SLCO3A1: variants seen among roughly 807,000 people sequenced by gnomAD.
SLCO3A1 encodes the protein PGE1 transporter.
Under a neutral mutation model 63.1 loss-of-function variants are expected in SLCO3A1, and 27 were observed. That is an observed-to-expected ratio of 0.43 (90% CI 0.32 to 0.59). SLCO3A1 has a LOEUF of 0.59. Among genes scored for constraint, SLCO3A1 ranks in the 20% least tolerant of loss-of-function variants. The probability of loss-of-function intolerance (pLI) is 0.09; values close to 1 mark genes in which losing one functional copy is unlikely to be tolerated. For synonymous variants in SLCO3A1, 473 were observed against 409.9 expected (o/e 1.15, Z -1.86); for missense variants, 773 against 945.8 (o/e 0.82, Z 2.40).
intron 2 of SLCO3A1, among the ~76,000 whole-genome samples, chr15:91,930,618 TATTA>T (rs1404773092): frequency 1.3e-5 from 2 of 152,242 alleles, no homozygotes; most frequent in Non-Finnish European, 2.9e-5. Context: ...ATTCAACACA[TATTA>T]ATTGATAACT....
chr15:91,923,781 T>TA (rs1350319079), intron 2 of SLCO3A1, among the ~76,000 whole-genome samples: 1 of 152,262 alleles, frequency 6.6e-6, no homozygotes, highest in East Asian at 1.9e-4. Context: ...TTTGCTTAGT[T>TA]AAAAACCATA....
intron 1 of SLCO3A1, among the ~76,000 whole-genome samples, chr15:91,899,232 GGAGA>G (rs1450871067): frequency 2.0e-5 from 3 of 152,166 alleles, no homozygotes; most frequent in East Asian, 1.9e-4. Flanking sequence ...TGTAGAACAG[GGAGA>G]GAGAGTGACT....
intron 1 of SLCO3A1, among the ~76,000 whole-genome samples, chr15:91,904,954 T>C (rs560784069): frequency 6.6e-6 from 1 of 152,334 alleles, no homozygotes; most frequent in South Asian, 2.1e-4. Flanking sequence ...TACAATGATT[T>C]TGTACCCTGA....
downstream of SLCO3A1, among the ~76,000 whole-genome samples, chr15:92,168,966 C>G (rs1216209924): frequency 6.6e-6 from 1 of 152,048 alleles, no homozygotes; most frequent in Non-Finnish European, 1.5e-5. Flanking sequence ...TTCCAGATAC[C>G]AAAGAGTATT....
intron 2 of SLCO3A1, among the ~76,000 whole-genome samples, chr15:91,994,487 A>G (rs1331715400): frequency 6.6e-6 from 1 of 152,228 alleles, no homozygotes; most frequent in Admixed American, 6.5e-5. Flanking sequence ...TGAACTAAGC[A>G]GCCTGGCCAG....
chr15:91,931,577 T>C (rs1038465133), intron 2 of SLCO3A1, among the ~76,000 whole-genome samples: 1 of 151,856 alleles, frequency 6.6e-6, no homozygotes, highest in Admixed American at 6.6e-5. Context: ...TTCAAGCAGT[T>C]CCCCTGTCTC....
chr15:92,150,295 C>A (rs1180973712), intron 8 of SLCO3A1, among the ~76,000 whole-genome samples: 1 of 152,198 alleles, frequency 6.6e-6, no homozygotes, highest in Admixed American at 6.5e-5. Context: ...CAGATTGAGG[C>A]TGGGTCTGCC....
intron 3 of SLCO3A1, among the ~76,000 whole-genome samples, chr15:92,101,755 G>A (rs973149832): frequency 3.9e-5 from 6 of 152,162 alleles, no homozygotes; most frequent in Admixed American, 3.3e-4. Context: ...GAGTGTCTTG[G>A]ATCTACAGAA....
At chr15:92,150,773 T>G (rs371477363) in intron 8 of SLCO3A1, among the ~76,000 whole-genome samples, 177 bp from the exon 9 acceptor site, 3 of 152,074 alleles carry the variant, frequency 2.0e-5, no homozygotes, top group East Asian at 3.9e-4. Context: ...TGCAGTTATT[T>G]TTCAGACTTT....
At position 92,016,251 on chromosome 15, in the gene SLCO3A1, A is replaced by T. The variant is rs144843844; in HGVS notation, c.647-78630A>T. 1.0e-2 allele frequency among the ~76,000 whole-genome samples: 521 copies of T among 52,198 alleles called. 9 individuals carry two copies. The highest frequency in any genetic ancestry group is 0.061 in the African/African-American group (486 of 8,014). 34.2% of individuals were successfully genotyped at this position (52,198 alleles called of 152,430 possible). A position where few individuals can be genotyped will look rare whatever the true frequency, so the allele number is the denominator to read the frequency against. The stretch of plus-strand genomic sequence containing the variant: ...TAGATAGATAGATAGATAGATAGAT[A>T]GATTAGATAGATAGATAGATAGATA... On this transcript the variant is annotated intron_variant, in intron 2 of 9. Transcript: ENST00000318445.
Position 91,875,073 on chromosome 15 carries a change from C to T in SLCO3A1, c.180+20985C>T, listed in dbSNP as rs1475281097. Among the ~76,000 whole-genome samples, 2 of 152,160 alleles carry T rather than the reference C, an allele frequency of 1.3e-5. No individual in the cohort carries two copies. The highest frequency in any genetic ancestry group is 1.3e-4 in the Admixed American group (2 of 15,284). ...CTCCACATGAAACAGACATTTGCCG[C>T]CTTGAAGTTGGCAGACAGTCTGTGT... On this transcript the variant is annotated intron_variant, in intron 1 of 9. Transcript: ENST00000318445. The surrounding 1 kb of genome is among the most constrained non-coding windows in gnomAD (Gnocchi z 4.5).
intron 2 of SLCO3A1, among the ~76,000 whole-genome samples, chr15:92,012,082 GGAGCCCTGCA>G (rs1567065686): frequency 6.6e-6 from 1 of 152,216 alleles, no homozygotes; most frequent in African/African-American, 2.4e-5. Flanking sequence ...GACAGAAGGC[GGAGCCCTGCA>G]GAGCCTCGGG....
chr15:91,880,370 G>A (rs12442913), intron 1 of SLCO3A1, among the ~76,000 whole-genome samples: 37,258 of 121,062 alleles, frequency 0.31, 5,303 homozygotes, highest in Middle Eastern at 0.36. Context: ...CAGTTTTACC[G>A]GCACTCGTGC....
intron 2 of SLCO3A1, among the ~76,000 whole-genome samples, chr15:92,068,855 GCT>G (rs2047181896): frequency 6.6e-6 from 1 of 152,186 alleles, no homozygotes; most frequent in Non-Finnish European, 1.5e-5. Flanking sequence ...GTCACTCACA[GCT>G]GTGTGACACT....
chr15:92,018,354 G>T (rs2046464770), intron 2 of SLCO3A1, among the ~76,000 whole-genome samples: 1 of 152,162 alleles, frequency 6.6e-6, no homozygotes, highest in South Asian at 2.1e-4. Context: ...CCCTGGTGAT[G>T]GTTCAGAGCA....
intron 1 of SLCO3A1, among the ~76,000 whole-genome samples, chr15:91,871,442 T>TC (rs1343198427): frequency 6.6e-6 from 1 of 152,190 alleles, no homozygotes; most frequent in Non-Finnish European, 1.5e-5. Flanking sequence ...CACGTTGGAC[T>TC]CCCAGAGTCT....
chr15:92,011,910 G>A (rs12593834), intron 2 of SLCO3A1, among the ~76,000 whole-genome samples: 14,662 of 152,328 alleles, frequency 0.096, 1,068 homozygotes, highest in East Asian at 0.42. Flanking sequence ...TGTGTTATTT[G>A]GAATGGCTCA....
chr15:92,038,917 T>C (rs2046761001), intron 2 of SLCO3A1, among the ~76,000 whole-genome samples: 1 of 152,048 alleles, frequency 6.6e-6, no homozygotes, highest in African/African-American at 2.4e-5. Flanking sequence ...TATAGACCAA[T>C]GGAACAGAAC....
intron 7 of SLCO3A1, among the ~76,000 whole-genome samples, chr15:92,143,421 T>TATATAAA (rs2048167615): frequency 5.8e-4 from 2 of 3,468 alleles, no homozygotes; most frequent in African/African-American, 6.2e-3. Flanking sequence ...ATATATATTA[T>TATATAAA]ATATATATAA....
Sources: allele counts gnomAD v4.1 joint callset (sites outside exome capture counted in the v4.1 genomes callset), GRCh38; gene constraint gnomAD v4.1.1; non-coding constraint Gnocchi (gnomAD v3.1); transcripts MANE v1.5; gene names NCBI Gene and HGNC (gene_info 2026-07-23, HGNC 2026-07-21).